Variants in CSTPP1 observed in about 807,000 individuals in gnomAD.
CSTPP1 encodes UPF0705 protein C11orf49.
the CSTPP1 span, among the ~76,000 whole-genome samples, chr11:47,047,919 A>G: frequency 1.3e-5 from 2 of 152,244 alleles, no homozygotes; most frequent in Admixed American, 1.3e-4. Context: ...CAACATCATT[A>G]GTCATTGGTA....
At chr11:47,080,841 T>C in the CSTPP1 span, among the ~76,000 whole-genome samples, 1 of 152,020 alleles carries the variant, frequency 6.6e-6, no homozygotes, top group African/African-American at 2.4e-5. Context: ...AAACTCTGTC[T>C]CTACAAAAAA....
the CSTPP1 span, chr11:47,137,976 T>C: frequency 3.5e-6 from 2 of 563,532 alleles, no homozygotes; most frequent in Non-Finnish European, 3.1e-6. Context: ...GGTGGTGAGA[T>C]GAAGAGGCAG....
the CSTPP1 span, among the ~76,000 whole-genome samples, chr11:47,075,926 CAAAAAAAA>C: frequency 2.0e-3 from 72 of 35,830 alleles, no homozygotes; most frequent in African/African-American, 3.6e-3. Context: ...GATTCATTCT[CAAAAAAAA>C]AAAAAAAAAA....
the CSTPP1 span, among the ~76,000 whole-genome samples, chr11:46,997,326 C>T: frequency 6.6e-6 from 1 of 152,166 alleles, no homozygotes; most frequent in Admixed American, 6.5e-5. Context: ...CACTCTTACC[C>T]TTTTTTCCAG....
chr11:47,141,016 G>C, the CSTPP1 span, among the ~76,000 whole-genome samples: 2 of 152,056 alleles, frequency 1.3e-5, no homozygotes, highest in African/African-American at 4.8e-5. Flanking sequence ...CAGGAGAATG[G>C]TGTGAACCTG....
the CSTPP1 span, among the ~76,000 whole-genome samples, chr11:46,997,114 T>C: frequency 6.6e-6 from 1 of 152,236 alleles, no homozygotes; most frequent in Non-Finnish European, 1.5e-5. Flanking sequence ...CTCGCTAGGT[T>C]GGGGAAGTTC....
the CSTPP1 span, among the ~76,000 whole-genome samples, chr11:47,093,479 T>G: frequency 1.3e-5 from 2 of 152,206 alleles, no homozygotes; most frequent in Non-Finnish European, 2.9e-5. Flanking sequence ...ATATTTAGAA[T>G]TGAGCACCAC....
the CSTPP1 span, chr11:47,161,866 A>G: frequency 7.5e-7 from 1 of 1,333,166 alleles, no homozygotes; most frequent in Non-Finnish European, 9.6e-7. Context: ...AACTTCACTT[A>G]GGCCCCAAGC....
At chr11:47,161,351 T>A in the CSTPP1 span, 1 of 1,584,838 alleles carries the variant, frequency 6.3e-7, no homozygotes, top group Non-Finnish European at 8.6e-7. Flanking sequence ...TCCCTCTGAG[T>A]CCTTTGGGGG....
chr11:46,970,107 G>A, the CSTPP1 span, among the ~76,000 whole-genome samples: 2 of 152,030 alleles, frequency 1.3e-5, no homozygotes, highest in East Asian at 1.9e-4. Flanking sequence ...ACCATTGAGG[G>A]GTTAGGGACT....
the CSTPP1 span, among the ~76,000 whole-genome samples, chr11:46,979,018 T>C: frequency 2.0e-5 from 3 of 152,246 alleles, no homozygotes; most frequent in African/African-American, 7.2e-5. Flanking sequence ...TGCATTAATA[T>C]CACTATTCTG....
At chr11:47,082,003 T>C in the CSTPP1 span, among the ~76,000 whole-genome samples, 1 of 150,458 alleles carries the variant, frequency 6.6e-6, no homozygotes, top group African/African-American at 2.4e-5. Flanking sequence ...GCAAAGGTAA[T>C]TGCGGCTTTT....
chr11:47,014,492 T>G, the CSTPP1 span, among the ~76,000 whole-genome samples: 3 of 151,540 alleles, frequency 2.0e-5, no homozygotes, highest in Admixed American at 1.3e-4. Context: ...ATCACCTAAG[T>G]TGGGAATTTG....
chr11:47,009,724 G>A, the CSTPP1 span, among the ~76,000 whole-genome samples: 1 of 152,046 alleles, frequency 6.6e-6, no homozygotes. Flanking sequence ...TTGAACCTGG[G>A]AGGCAGAGGT....
At chr11:47,160,990 T>C in the CSTPP1 span, 1 of 1,123,718 alleles carries the variant, frequency 8.9e-7, no homozygotes, top group Non-Finnish European at 1.3e-6. Flanking sequence ...TTGGCCCCTC[T>C]AGCAGTCCTC....
At chr11:47,161,904 C>T in the CSTPP1 span, 1 of 1,248,470 alleles carries the variant, frequency 8.0e-7, no homozygotes, top group Non-Finnish European at 1.0e-6. Context: ...GCCACCTTGT[C>T]ACGCCGTAGC....
the CSTPP1 span, among the ~76,000 whole-genome samples, chr11:46,962,622 T>G: frequency 1.3e-5 from 2 of 152,188 alleles, no homozygotes; most frequent in East Asian, 1.9e-4. Flanking sequence ...TGTTCTATAG[T>G]TTTCATTGTA....
the CSTPP1 span, among the ~76,000 whole-genome samples, chr11:47,156,417 C>T: frequency 6.6e-6 from 1 of 152,238 alleles, no homozygotes; most frequent in South Asian, 2.1e-4. Flanking sequence ...GCAGTTCTAA[C>T]AATGGCTCAA....
the CSTPP1 span, chr11:47,052,235 T>C: frequency 1.5e-5 from 14 of 957,778 alleles, no homozygotes; most frequent in East Asian, 3.3e-4. Context: ...GACTTCCCCA[T>C]AGAAGGACTA....
Sources: gnomAD v4.1 joint callset for allele counts (sites outside exome capture counted in the v4.1 genomes callset) on GRCh38, gnomAD v4.1.1 for gene constraint, MANE v1.5 for transcripts, NCBI Gene and HGNC (gene_info 2026-07-23, HGNC 2026-07-21) for gene names.